The following LRRC37A2 variants were observed in gnomAD, a reference collection of about 807,000 sequenced individuals.
LRRC37A2 encodes leucine rich repeat containing 37 member A2.
In LRRC37A2, 9 loss-of-function variants were observed where a neutral mutation model predicts 68.8. The ratio of observed to expected loss-of-function variants is 0.13; its 90% CI spans 0.08 to 0.23. LRRC37A2 has a LOEUF of 0.23. Ranked by LOEUF, LRRC37A2 falls within the 10% of genes least tolerant of loss-of-function variation. LRRC37A2 has a pLI of 1.00. For synonymous variants in LRRC37A2, 63 were observed against 367.6 expected, an observed-to-expected ratio of 0.17 and a Z score of 9.48; for missense variants, 168 against 950.4, an observed-to-expected ratio of 0.18 and a Z score of 10.82.
the LRRC37A2 span, among the ~76,000 whole-genome samples, chr17:46,910,991 G>A: frequency 7.9e-5 from 12 of 152,312 alleles, no homozygotes; most frequent in Non-Finnish European, 1.3e-4. Flanking sequence ...TGCATATGGC[G>A]GTGCCAAGGC....
chr17:46,713,820 T>C, the LRRC37A2 span: 5 of 1,596,786 alleles, frequency 3.1e-6, no homozygotes, highest in Admixed American at 3.7e-5. Flanking sequence ...TAGGTTGGCT[T>C]TTTTCCCCTG....
the LRRC37A2 span, chr17:47,027,434 T>G: frequency 1.8e-6 from 1 of 563,074 alleles, no homozygotes; most frequent in South Asian, 1.9e-5. Context: ...CAAATACAAG[T>G]CCAAACGTTT....
At chr17:46,754,133 T>C in the LRRC37A2 span, among the ~76,000 whole-genome samples, 1 of 148,038 alleles carries the variant, frequency 6.8e-6, no homozygotes, top group Non-Finnish European at 1.5e-5. Context: ...CAACTACAAC[T>C]GCGCTCCAGC....
chr17:46,403,855 C>T, the LRRC37A2 span, among the ~76,000 whole-genome samples: 3 of 60,150 alleles, frequency 5.0e-5, no homozygotes, highest in Non-Finnish European at 7.8e-5. Context: ...CCCGCCACAA[C>T]GCCTGGCTAA....
chr17:46,896,452 A>AAGAAAGAAAAAGAAAGAAAG, the LRRC37A2 span, among the ~76,000 whole-genome samples: 33 of 65,864 alleles, frequency 5.0e-4, no homozygotes, highest in East Asian at 2.1e-3. Context: ...GAAAGAAAGA[A>AAGAAAGAAAAAGAAAGAAAG]AAAGAAAGAA....
the LRRC37A2 span, among the ~76,000 whole-genome samples, chr17:46,681,800 G>A: frequency 2.1e-5 from 1 of 48,080 alleles, no homozygotes; most frequent in Admixed American, 2.4e-4. Context: ...GTTCTAGCAG[G>A]TGTGGGTCTT....
chr17:46,785,592 G>A, the LRRC37A2 span, among the ~76,000 whole-genome samples: 21 of 152,310 alleles, frequency 1.4e-4, no homozygotes, highest in African/African-American at 4.3e-4. Flanking sequence ...CCTTCTGCCC[G>A]CAGCTTCTGA....
At chr17:46,794,925 AT>A in the LRRC37A2 span, among the ~76,000 whole-genome samples, 1 of 151,548 alleles carries the variant, frequency 6.6e-6, no homozygotes, top group Non-Finnish European at 1.5e-5. Context: ...TAATTTTTGT[AT>A]TTTTAGTAGA....
chr17:46,770,293 T>C, the LRRC37A2 span, among the ~76,000 whole-genome samples: 6 of 152,202 alleles, frequency 3.9e-5, no homozygotes, highest in Non-Finnish European at 5.9e-5. Flanking sequence ...GGACCTCAAA[T>C]GCCACAGGGC....
chr17:46,996,272 T>A, the LRRC37A2 span, among the ~76,000 whole-genome samples: 27 of 152,326 alleles, frequency 1.8e-4, no homozygotes, highest in African/African-American at 6.3e-4. Context: ...GCATCTGTTA[T>A]CAGCATTGAG....
At chr17:46,777,035 C>G in the LRRC37A2 span, among the ~76,000 whole-genome samples, 2 of 152,116 alleles carry the variant, frequency 1.3e-5, no homozygotes, top group Non-Finnish European at 1.5e-5. Context: ...GAGCACAAAG[C>G]CCATTATACA....
the LRRC37A2 span, chr17:46,938,559 A>T: frequency 6.2e-7 from 1 of 1,613,050 alleles, no homozygotes; most frequent in Non-Finnish European, 8.5e-7. Flanking sequence ...TGGTAAAGCG[A>T]CTTGATGTTT....
chr17:46,949,904 G>A, the LRRC37A2 span, among the ~76,000 whole-genome samples: 8 of 152,324 alleles, frequency 5.3e-5, no homozygotes, highest in African/African-American at 1.9e-4. Flanking sequence ...GAGGTAAGTT[G>A]AGGCCAGACG....
At chr17:46,526,447 G>A (rs2052773580) in intron 6 of LRRC37A2, among the ~76,000 whole-genome samples, 1 of 103,184 alleles carries the variant, frequency 9.7e-6, no homozygotes, top group South Asian at 4.6e-4. Flanking sequence ...TAACCTTCCA[G>A]GCTTCTCACT....
At chr17:46,976,117 C>G in the LRRC37A2 span, among the ~76,000 whole-genome samples, 15 of 151,590 alleles carry the variant, frequency 9.9e-5, no homozygotes, top group African/African-American at 3.4e-4. Flanking sequence ...TAGTAGAGAC[C>G]GGGTTTCACT....
intron 8 of LRRC37A2, among the ~76,000 whole-genome samples, chr17:46,545,256 A>C (rs1598489197): frequency 1.4e-5 from 2 of 138,706 alleles, no homozygotes; most frequent in Admixed American, 7.1e-5. Flanking sequence ...ACATGGGGAA[A>C]CTCTGTCACT....
intron 2 of LRRC37A2, chr17:46,516,653 C>A (rs1341266981): frequency 6.0e-6 from 1 of 167,178 alleles, no homozygotes; most frequent in African/African-American, 2.5e-5. Context: ...GAAAGTTACA[C>A]AATGAGGTAT....
the LRRC37A2 span, among the ~76,000 whole-genome samples, chr17:46,959,720 T>C: frequency 6.6e-6 from 1 of 152,312 alleles, no homozygotes; most frequent in South Asian, 2.1e-4. Flanking sequence ...TTTTTTCCTA[T>C]TCTGGGCTCT....
At chr17:46,980,972 CATT>C in the LRRC37A2 span, among the ~76,000 whole-genome samples, 4 of 152,320 alleles carry the variant, frequency 2.6e-5, no homozygotes, top group African/African-American at 9.6e-5. Flanking sequence ...ACATTGTTAT[CATT>C]ATTTTAAAAG....
Sources: gnomAD v4.1 joint callset for allele counts (sites outside exome capture counted in the v4.1 genomes callset) on GRCh38, gnomAD v4.1.1 for gene constraint, MANE v1.5 for transcripts, NCBI Gene and HGNC (gene_info 2026-07-23, HGNC 2026-07-21) for gene names.